The following TAFA4 variants were observed in gnomAD, a reference collection of about 807,000 sequenced individuals.
TAFA4 encodes the protein TAFA chemokine like family member 4, also known as chemokine-like protein TAFA-4.
Under a neutral mutation model 21.1 loss-of-function variants are expected in TAFA4, and 20 were observed. The observed-to-expected ratio is 0.95, with a 90% confidence interval of 0.67 to 1.38. The LOEUF (loss-of-function observed/expected upper bound fraction) is 1.38. TAFA4 is among the 40% of genes most tolerant of loss of function. The probability of loss-of-function intolerance (pLI) is 0.00; values close to 1 mark genes in which losing one functional copy is unlikely to be tolerated. For synonymous variants in TAFA4, 71 were observed against 67.4 expected, an observed-to-expected ratio of 1.05 and a Z score of -0.26; for missense variants, 211 against 180.9, an observed-to-expected ratio of 1.17 and a Z score of -0.95.
intron 3 of TAFA4, among the ~76,000 whole-genome samples, chr3:68,760,570 ATCT>A (rs1702741082): frequency 6.6e-6 from 1 of 152,154 alleles, no homozygotes; most frequent in African/African-American, 2.4e-5. Context: ...CACTCCACTG[ATCT>A]TCTTAGAAGG....
At position 68,896,715 on chromosome 3, in the gene TAFA4, G is replaced by T. The variant is rs541433001; in HGVS notation, c.-122-11405C>A. On this transcript the variant is annotated intron_variant, in intron 1 of 5. Transcript: ENST00000295569. ...ATGAATTTGGCCAGCTATCTGGAGA[G>T]TAGGGTACCTGTGAAGCCCAGGCCT... Among the ~76,000 whole-genome samples the T allele has an allele frequency of 2.6e-5, 4 of 152,340 alleles. No homozygotes were observed. The South Asian group carries it at 8.3e-4, about 32-fold the overall frequency.
At chr3:68,794,462 C>A (rs1286285129) in intron 3 of TAFA4, among the ~76,000 whole-genome samples, 1 of 152,180 alleles carries the variant, frequency 6.6e-6, no homozygotes, top group Non-Finnish European at 1.5e-5. Flanking sequence ...ATATAAACAA[C>A]AGGGACAGCT....
chr3:68,806,777 T>C (rs1290251721), intron 3 of TAFA4, among the ~76,000 whole-genome samples: 2 of 152,130 alleles, frequency 1.3e-5, no homozygotes, highest in Non-Finnish European at 2.9e-5. Context: ...CTCTACTCTC[T>C]ACCATGAGAA....
chr3:68,912,551 G>A (rs941174196), intron 1 of TAFA4, among the ~76,000 whole-genome samples: 2 of 152,208 alleles, frequency 1.3e-5, no homozygotes, highest in African/African-American at 4.8e-5. Flanking sequence ...GCAGTGTTGG[G>A]GACCAGATGA....
chr3:68,835,222 C>G (rs1036917582), intron 3 of TAFA4, among the ~76,000 whole-genome samples: 2 of 152,172 alleles, frequency 1.3e-5, no homozygotes, highest in African/African-American at 4.8e-5. Context: ...AGCAAACTCC[C>G]CTACACCCAC....
chr3:68,793,952 T>A (rs1318427103), intron 3 of TAFA4, among the ~76,000 whole-genome samples: 2 of 152,188 alleles, frequency 1.3e-5, no homozygotes, highest in African/African-American at 4.8e-5. Context: ...GTACAACACA[T>A]CCCTGATGAC....
intron 3 of TAFA4, among the ~76,000 whole-genome samples, chr3:68,812,008 G>A (rs1371290164): frequency 6.6e-6 from 1 of 152,104 alleles, no homozygotes; most frequent in Non-Finnish European, 1.5e-5. Context: ...GAAGAGAGTG[G>A]GGGCCAATAT....
In TAFA4 at chr3:68,736,436, C is replaced by T. The variant is rs1169970108; in HGVS notation, c.411+2639G>A. Reference sequence around the variant, plus strand: ...ATTATCCTCTCTCTTTTCATATCTTCATCTAAAGCTATTAATATTCAAGTT... The same window carrying T: ...ATTATCCTCTCTCTTTTCATATCTTTATCTAAAGCTATTAATATTCAAGTT... On this transcript the variant is annotated intron_variant, in intron 5 of 5. Coordinates refer to ENST00000295569, the MANE Select transcript of TAFA4 (RefSeq NM_182522.5). Among the ~76,000 whole-genome samples the T allele has an allele frequency of 3.9e-5, 6 of 152,230 alleles. No homozygotes were observed. In the South Asian group the frequency reaches 1.0e-3, roughly 26 times the overall value.
At chr3:68,873,337 T>TACACACACACACGCACACACAC (rs2089508793) in intron 3 of TAFA4, among the ~76,000 whole-genome samples, 1 of 133,422 alleles carries the variant, frequency 7.5e-6, no homozygotes, top group South Asian at 3.0e-4. Context: ...CACGCAGACA[T>TACACACACACACGCACACACAC]ACACACACAC....
intron 3 of TAFA4, among the ~76,000 whole-genome samples, chr3:68,779,428 T>C (rs1316539384): frequency 1.3e-5 from 2 of 152,160 alleles, no homozygotes; most frequent in Non-Finnish European, 2.9e-5. Context: ...CAGATACCTT[T>C]GTGGCAGCCC....
At chr3:68,755,165 T>G (rs1181819610) in intron 3 of TAFA4, among the ~76,000 whole-genome samples, 1 of 152,166 alleles carries the variant, frequency 6.6e-6, no homozygotes, top group Non-Finnish European at 1.5e-5. Flanking sequence ...AACTCTCTAT[T>G]TATATCTCCC....
chr3:68,758,222 A>G (rs1056879048), intron 3 of TAFA4, among the ~76,000 whole-genome samples: 5 of 152,190 alleles, frequency 3.3e-5, no homozygotes, highest in African/African-American at 7.2e-5. Context: ...ATTTGATGAC[A>G]GTGTTTGTGT....
intron 1 of TAFA4, among the ~76,000 whole-genome samples, chr3:68,902,805 T>C (rs1043924230): frequency 1.6e-4 from 25 of 152,194 alleles, no homozygotes; most frequent in Non-Finnish European, 1.0e-4. Context: ...ATGAAAACAC[T>C]TGACATCCAA....
intron 3 of TAFA4, among the ~76,000 whole-genome samples, chr3:68,868,634 A>G (rs1346093183): frequency 6.6e-6 from 1 of 152,080 alleles, no homozygotes; most frequent in Non-Finnish European, 1.5e-5. Context: ...ATTAAACAAC[A>G]TGTTCTTAAA....
intron 3 of TAFA4, among the ~76,000 whole-genome samples, chr3:68,776,502 A>C (rs140523795): frequency 6.6e-6 from 1 of 152,344 alleles, no homozygotes; most frequent in East Asian, 1.9e-4. Flanking sequence ...TAAAGCTTTA[A>C]AATATGTGAA....
At chr3:68,891,434 A>C (rs1376627711) in intron 1 of TAFA4, among the ~76,000 whole-genome samples, 1 of 152,150 alleles carries the variant, frequency 6.6e-6, no homozygotes, top group Non-Finnish European at 1.5e-5. Flanking sequence ...GGAGGTTTGG[A>C]TAATTAGCTA....
At chr3:68,852,744 A>C (rs1289237306) in intron 3 of TAFA4, among the ~76,000 whole-genome samples, 1 of 152,226 alleles carries the variant, frequency 6.6e-6, no homozygotes, top group Non-Finnish European at 1.5e-5. Flanking sequence ...GAAATTCACT[A>C]ACAAAGTTCC....
At chr3:68,811,202 A>C (rs1160311007) in intron 3 of TAFA4, among the ~76,000 whole-genome samples, 1 of 152,216 alleles carries the variant, frequency 6.6e-6, no homozygotes. Context: ...CAAAGGGTAG[A>C]TAATACCACA....
At chr3:68,760,158 A>G (rs183139082) in intron 3 of TAFA4, among the ~76,000 whole-genome samples, 1 of 152,322 alleles carries the variant, frequency 6.6e-6, no homozygotes, top group East Asian at 1.9e-4. Flanking sequence ...AGACACCATT[A>G]AAAGTGTTAT....
Sources: gnomAD v4.1 joint callset for allele counts (sites outside exome capture counted in the v4.1 genomes callset) on GRCh38, gnomAD v4.1.1 for gene constraint, MANE v1.5 for transcripts, NCBI Gene and HGNC (gene_info 2026-07-23, HGNC 2026-07-21) for gene names.